SLIT2: variants seen among roughly 807,000 people sequenced by gnomAD.
SLIT2 encodes slit guidance ligand 2, also known as slit homolog 2 protein.
Under a neutral mutation model 185.7 loss-of-function variants are expected in SLIT2, and 41 were observed. The ratio of observed to expected loss-of-function variants is 0.22; its 90% CI spans 0.17 to 0.29. The LOEUF (loss-of-function observed/expected upper bound fraction) is 0.29. Ranked by LOEUF, SLIT2 falls within the 10% of genes least tolerant of loss-of-function variation. The probability of loss-of-function intolerance (pLI) is 1.00; values close to 1 mark genes in which losing one functional copy is unlikely to be tolerated. For synonymous variants in SLIT2, 693 were observed against 680.2 expected (o/e 1.02, Z -0.29); for missense variants, 1,571 against 1,909.0 (o/e 0.82, Z 3.30).
chr4:20,597,716 G>T lies in SLIT2; in HGVS notation c.3562-549G>T, dbSNP rs955216930. On this transcript the variant is annotated intron_variant, in intron 32 of 36. Coordinates refer to ENST00000504154, the MANE Select transcript of SLIT2 (RefSeq NM_004787.4). ...GGAAGAAGAGAATCCTGGAAGGCAT[G>T]ATTCTCTACCTTCCAGTGTTTGCCC... 2.6e-5 allele frequency among the ~76,000 whole-genome samples: 4 copies of T among 152,170 alleles called. No individual in the cohort carries two copies. The East Asian group carries it at 7.7e-4, about 29-fold the overall frequency.
At chr4:20,255,207 T>C in intron 1 of SLIT2, 1 of 365,284 alleles carries the variant, frequency 2.7e-6, no homozygotes, top group South Asian at 2.0e-5. Context: ...TTTCGGGCCG[T>C]GGAGAGGAGG....
intron 21 of SLIT2, among the ~76,000 whole-genome samples, chr4:20,543,776 G>A (rs567159890): frequency 2.0e-5 from 3 of 152,234 alleles, no homozygotes; most frequent in East Asian, 1.9e-4. Context: ...CTTAGAACAC[G>A]GCTCTTAGAT....
rs1337807058 is a variant in SLIT2 at position 20,472,258 on chromosome 4, C to CTATATATATCTA, written c.467+4443_467+4444insTCTATATATATA. ...TAGATCTATATATCTATATATAGAT[C>CTATATATATCTA]TATATATAGATATATATCTATATAT... On this transcript the variant is annotated intron_variant, in intron 5 of 36. Coordinates refer to ENST00000504154, the MANE Select transcript of SLIT2 (RefSeq NM_004787.4). Among the ~76,000 whole-genome samples, 304 of 31,208 alleles carry CTATATATATCTA rather than the reference C, an allele frequency of 9.7e-3. 49 individuals are homozygous for CTATATATATCTA. Among genetic ancestry groups the CTATATATATCTA allele is most frequent in the Middle Eastern group, 0.077 (2 of 26 alleles). The allele number at this position is 31,208 out of a possible 152,430, so 20.5% of individuals were successfully genotyped here.
At chr4:20,455,813 G>T (rs999374961) in intron 4 of SLIT2, among the ~76,000 whole-genome samples, 1 of 152,052 alleles carries the variant, frequency 6.6e-6, no homozygotes. Flanking sequence ...TCTCAATAAA[G>T]CTGATAAAGT....
At chr4:20,498,992 T>C (rs1490190642) in intron 9 of SLIT2, among the ~76,000 whole-genome samples, 2 of 152,264 alleles carry the variant, frequency 1.3e-5, no homozygotes, top group African/African-American at 4.8e-5. Flanking sequence ...ATCTCTGTAC[T>C]GTCTTCCATA....
intron 4 of SLIT2, among the ~76,000 whole-genome samples, chr4:20,362,403 T>C (rs190739338): frequency 2.0e-5 from 3 of 152,230 alleles, no homozygotes; most frequent in Admixed American, 6.5e-5. Flanking sequence ...CAACTTTTCA[T>C]TGGTTCTATG....
chr4:20,452,488 C>T (rs746971511), intron 4 of SLIT2, among the ~76,000 whole-genome samples: 11 of 148,882 alleles, frequency 7.4e-5, no homozygotes, highest in African/African-American at 1.5e-4. Context: ...CTTTAAAAAC[C>T]GTCCTCTTAT....
chr4:20,464,160 G>T (rs920297153), intron 4 of SLIT2, among the ~76,000 whole-genome samples: 6 of 152,096 alleles, frequency 3.9e-5, no homozygotes, highest in Non-Finnish European at 8.8e-5. Context: ...ATGGTTGATG[G>T]TTGCTTTAGG....
intron 11 of SLIT2, among the ~76,000 whole-genome samples, chr4:20,517,383 T>C (rs1231025937): frequency 6.6e-6 from 1 of 152,164 alleles, no homozygotes; most frequent in Admixed American, 6.5e-5. Flanking sequence ...AGATATTGAA[T>C]TGAATATCCC....
chr4:20,535,312 GA>G (rs774978148), intron 18 of SLIT2, among the ~76,000 whole-genome samples: 12 of 151,820 alleles, frequency 7.9e-5, no homozygotes, highest in Non-Finnish European at 1.5e-4. Context: ...AAAAAGAAAA[GA>G]AAAGAAAGAT....
At chr4:20,566,322 T>C (rs531410022) in intron 26 of SLIT2, among the ~76,000 whole-genome samples, 1 of 152,194 alleles carries the variant, frequency 6.6e-6, no homozygotes, top group South Asian at 2.1e-4. Flanking sequence ...GTTTTATGTA[T>C]AAAGATGTCA....
chr4:20,580,045 T>C (rs879389922), intron 29 of SLIT2, among the ~76,000 whole-genome samples: 39 of 131,758 alleles, frequency 3.0e-4, no homozygotes, highest in Admixed American at 1.0e-3. Context: ...ATTATGTATA[T>C]ATTATATATT....
intron 7 of SLIT2, among the ~76,000 whole-genome samples, chr4:20,486,992 A>G (rs1014787302): frequency 1.3e-5 from 2 of 151,760 alleles, no homozygotes; most frequent in Non-Finnish European, 2.9e-5. Context: ...AAAGCATCAA[A>G]CTTCTTGAAA....
chr4:20,541,691 C>G, intron 20 of SLIT2, 72 bp downstream of exon 20: 2 of 1,318,418 alleles, frequency 1.5e-6, no homozygotes, highest in Non-Finnish European at 2.2e-6. Context: ...TTGCACAAAT[C>G]TACAGCATAG....
intron 4 of SLIT2, among the ~76,000 whole-genome samples, chr4:20,298,134 G>T (rs751454032): frequency 6.6e-6 from 1 of 151,308 alleles, no homozygotes; most frequent in Admixed American, 6.6e-5. Flanking sequence ...TGCTGCCCGG[G>T]CTGGAGTGCA....
At chr4:20,352,720 T>C (rs1276245703) in intron 4 of SLIT2, among the ~76,000 whole-genome samples, 1 of 152,128 alleles carries the variant, frequency 6.6e-6, no homozygotes, top group African/African-American at 2.4e-5. Context: ...GAGATCACCC[T>C]GGCTCAACAT....
intron 16 of SLIT2, among the ~76,000 whole-genome samples, chr4:20,529,566 G>A (rs1721600077): frequency 6.6e-6 from 1 of 152,152 alleles, no homozygotes; most frequent in African/African-American, 2.4e-5. Context: ...GGATTCAGTG[G>A]TTATCAAGTA....
chr4:20,519,313 A>G, intron 11 of SLIT2, 69 bp from the exon 12 acceptor site: 1 of 786,950 alleles, frequency 1.3e-6, no homozygotes, highest in South Asian at 1.4e-5. Flanking sequence ...GCCTGAGTAA[A>G]TATGTATTAG....
chr4:20,318,637 A>AT (rs76475618), intron 4 of SLIT2, among the ~76,000 whole-genome samples: 36,316 of 151,074 alleles, frequency 0.24, 5,245 homozygotes, highest in East Asian at 0.6. Context: ...TACATGAGTC[A>AT]TTTTTTTTTC....
Sources: gnomAD v4.1 joint callset for allele counts (sites outside exome capture counted in the v4.1 genomes callset) on GRCh38, gnomAD v4.1.1 for gene constraint, MANE v1.5 for transcripts, NCBI Gene and HGNC (gene_info 2026-07-23, HGNC 2026-07-21) for gene names.